The following POLR3E variants were observed in gnomAD, a reference collection of about 807,000 sequenced individuals.
POLR3E encodes DNA-directed RNA polymerase III subunit RPC5.
In POLR3E, 41 loss-of-function variants were observed where a neutral mutation model predicts 96.6. The observed-to-expected ratio is 0.42, with a 90% CI of 0.33 to 0.55. The LOEUF is 0.55. Among genes scored for constraint, POLR3E ranks in the 20% least tolerant of loss-of-function variants. The probability of loss-of-function intolerance (pLI) is 0.06; values close to 1 mark genes in which losing one functional copy is unlikely to be tolerated. For synonymous variants in POLR3E, 396 were observed against 383.6 expected (o/e 1.03, Z -0.38); for missense variants, 849 against 952.1 (o/e 0.89, Z 1.43).
intron 1 of POLR3E, among the ~76,000 whole-genome samples, chr16:22,300,781 C>T (rs2141720959): frequency 6.6e-6 from 1 of 152,338 alleles, no homozygotes; most frequent in East Asian, 1.9e-4. Context: ...CTACCCGCTC[C>T]ATGTCTTCCT....
At chr16:22,307,921 G>T (rs2048167787) in intron 3 of POLR3E, among the ~76,000 whole-genome samples, 1 of 152,162 alleles carries the variant, frequency 6.6e-6, no homozygotes, top group South Asian at 2.1e-4. Context: ...GAGACATCCT[G>T]CAGTGGCCCT....
intron 8 of POLR3E, among the ~76,000 whole-genome samples, chr16:22,314,734 TTC>T (rs2048318922): frequency 6.6e-6 from 1 of 152,134 alleles, no homozygotes; most frequent in African/African-American, 2.4e-5. Flanking sequence ...GCTCATCCTG[TTC>T]TCTCCGTAGC....
rs182937425 is a variant in POLR3E, at chr16:22,307,403, A to C, written c.88-745A>C. Among the ~76,000 whole-genome samples the C allele has an allele frequency of 4.9e-4, 74 of 152,226 alleles. 1 individual carries two copies. In the East Asian group the frequency reaches 0.013, roughly 27 times the overall value. On this transcript the variant is annotated intron_variant, in intron 3 of 20. Transcript: ENST00000299853. ...TGATCTGAAAGGGCCTATTTTCCGC[A>C]CTGCCATACCTCCACCAGGCTCATT...
At chr16:22,316,410 G>T (rs1053844881) in intron 9 of POLR3E, among the ~76,000 whole-genome samples, 191 bp from the exon 10 acceptor site, 1 of 152,194 alleles carries the variant, frequency 6.6e-6, no homozygotes, top group Non-Finnish European at 1.5e-5. Context: ...TTGGGGGCTG[G>T]GGCTGGGCAG....
Position 22,334,438 on chromosome 16 carries a change from A to G in POLR3E, c.*738A>G, listed in dbSNP as rs777006604. On this transcript the variant is annotated 3_prime_UTR_variant, in exon 21 of 21. Coordinates refer to ENST00000299853, the MANE Select transcript of POLR3E (RefSeq NM_018119.4). ...TTTTTAAAATAAATGCAAACACTAA[A>G]CTAGCATCATGGTGCTATCTTCAAA... 5 of 152,232 alleles carry G rather than the reference A, an allele frequency of 3.3e-5. No homozygotes were observed. Among genetic ancestry groups the G allele is most frequent in the Non-Finnish European group, 7.3e-5 (5 of 68,046 alleles). 9.4% of individuals were successfully genotyped at this position (152,232 alleles called of 1,614,324 possible).
In POLR3E at chr16:22,326,621, T is replaced by G. The variant is rs892227755; in HGVS notation, c.1866+343T>G. On this transcript the variant is annotated intron_variant, in intron 18 of 20. Transcript: ENST00000299853. Reference sequence around the variant, plus strand: ...TGTTTCCTACTAGCTTTGCCATTGTTTGGAATGATTTAACTTCTAAGATCG... The same window carrying G: ...TGTTTCCTACTAGCTTTGCCATTGTGTGGAATGATTTAACTTCTAAGATCG... The G allele has an allele frequency of 5.8e-5, 24 of 414,166 alleles. No homozygotes were observed. In the South Asian group the frequency reaches 5.8e-4, roughly 10 times the overall value. 25.7% of individuals were successfully genotyped at this position (414,166 alleles called of 1,614,324 possible). A position where few individuals can be genotyped will look rare whatever the true frequency, so the allele number is the denominator to read the frequency against.
In POLR3E at chr16:22,333,705, A is replaced by G; in HGVS notation, c.*5A>G. 1.3e-6 allele frequency: 2 copies of G among 1,597,024 alleles called. No individual in the cohort carries two copies. Among genetic ancestry groups the G allele is most frequent in the Non-Finnish European group, 1.7e-6 (2 of 1,164,330 alleles). Reference sequence around the variant, plus strand: ...AAAGGGACAGTACAGTCTTGACAATAGTAGCAAACTACTAACCCAGCAAAT... The same window carrying G: ...AAAGGGACAGTACAGTCTTGACAATGGTAGCAAACTACTAACCCAGCAAAT... On this transcript the variant is annotated 3_prime_UTR_variant, in exon 21 of 21. Coordinates refer to ENST00000299853, the MANE Select transcript of POLR3E (RefSeq NM_018119.4).
At position 22,297,420 on chromosome 16, in the gene POLR3E, G is replaced by T. The variant is rs902981955; in HGVS notation, c.-156G>T. ...GCCCGCTCCCCCCCACGTGTCCGCC[G>T]GAGTTTCTCCACCAGCAACATGGCC... On this transcript the variant is annotated 5_prime_UTR_variant, in exon 1 of 21. Coordinates refer to ENST00000299853, the MANE Select transcript of POLR3E (RefSeq NM_018119.4). The T allele has an allele frequency of 2.0e-5, 3 of 152,444 alleles. No individual in the cohort carries two copies. The highest frequency in any genetic ancestry group is 4.4e-5 in the Non-Finnish European group (3 of 68,234). 9.4% of individuals were successfully genotyped at this position (152,444 alleles called of 1,614,324 possible). A position where few individuals can be genotyped will look rare whatever the true frequency, so the allele number is the denominator to read the frequency against.
At chr16:22,302,252 G>GC (rs1050152275) in intron 1 of POLR3E, among the ~76,000 whole-genome samples, 1 of 152,160 alleles carries the variant, frequency 6.6e-6, no homozygotes, top group Non-Finnish European at 1.5e-5. Flanking sequence ...AGGTCAGACA[G>GC]CCTGGATTTG....
In POLR3E at chr16:22,313,825, G is replaced by C; in HGVS notation, c.472+98G>C. 1 of 854,486 alleles carries C rather than the reference G, an allele frequency of 1.2e-6. No individual in the cohort carries two copies. The highest frequency in any genetic ancestry group is 1.9e-6 in the Non-Finnish European group (1 of 527,934). 52.9% of individuals were successfully genotyped at this position (854,486 alleles called of 1,614,324 possible). On this transcript the variant is annotated intron_variant, in intron 7 of 20. Transcript: ENST00000299853. The surrounding 1 kb of genome is among the most constrained non-coding windows in gnomAD (Gnocchi z 4.1). The stretch of plus-strand genomic sequence containing the variant: ...GGATGGGATGATAGGATGTTTAGCA[G>C]GATCCCTGGCCTCTACCTACTAGAT...
At chr16:22,327,182 G>C (rs1221407940) in intron 18 of POLR3E, 1 of 152,466 alleles carries the variant, frequency 6.6e-6, no homozygotes, top group Non-Finnish European at 1.5e-5. Flanking sequence ...CCAAGGTCAG[G>C]AGCGGGCCTG....
In POLR3E at chr16:22,326,134, T is replaced by A; in HGVS notation, c.1722T>A (p.Phe574Leu). 6.2e-7 allele frequency: 1 copy of A among 1,613,926 alleles called. No homozygotes were observed. Among genetic ancestry groups the A allele is most frequent in the Non-Finnish European group, 8.5e-7 (1 of 1,179,990 alleles). The stretch of plus-strand genomic sequence containing the variant: ...TGGAGGCCACCTTTCAGAGACAGTT[T>A]GTGCTCACGCTGAGCGAACTCAAGC... Reference protein sequence around the residue: ...AFVEATFQRQFVLTLSELKRL... With the variant: ...AFVEATFQRQLVLTLSELKRL... The change falls in exon 18 of 21, where the codon TTT (phenylalanine) becomes TTA (leucine). Residue 574 changes from phenylalanine to leucine, a missense_variant. Coordinates refer to ENST00000299853, the MANE Select transcript of POLR3E (RefSeq NM_018119.4).
chr16:22,313,657 G>C lies in POLR3E; in HGVS notation c.402G>C (p.Gln134His), dbSNP rs1323785679. Residue 134 changes from glutamine (Q) to histidine (H), a missense_variant, in exon 7 of 21, where the codon CAG (glutamine) becomes CAC (histidine). By Grantham distance (24) the Gln-to-His change is conservative (BLOSUM62 0). Transcript: ENST00000299853. The surrounding 1 kb of genome is among the most constrained non-coding windows in gnomAD (Gnocchi z 4.1). ...TGACACCTTTACATGGCATCCTGCA[G>C]CTGCGGCCCAGCTTCTCCTACCTGG... is the stretch of plus-strand genomic sequence containing the variant. ...LHLTPLHGIL[Q>H]LRPSFSYLDK... 6.2e-7 allele frequency: 1 copy of C among 1,614,042 alleles called. No individual in the cohort carries two copies. The highest frequency in any genetic ancestry group is 1.3e-5 in the African/African-American group (1 of 75,054).
chr16:22,308,796 G>A, intron 4 of POLR3E, 129 bp from the exon 5 acceptor site: 1 of 621,554 alleles, frequency 1.6e-6, no homozygotes. Context: ...AGGGGCCCTT[G>A]GGGACATGTG....
In POLR3E at chr16:22,334,765, G is replaced by A. The variant is rs545664533; in HGVS notation, c.*1065G>A. On this transcript the variant is annotated 3_prime_UTR_variant, in exon 21 of 21. Transcript: ENST00000299853. ...TCCGATGCCACATGGGGCTATTTGC[G>A]ACAGTATTGGATAGCACAGCCCTAG... 2 of 152,284 alleles carry A rather than the reference G, an allele frequency of 1.3e-5. No individual in the cohort carries two copies. The highest frequency in any genetic ancestry group is 2.1e-4 in the South Asian group (1 of 4,826). The allele number at this position is 152,284 out of a possible 1,614,324, so 9.4% of individuals were successfully genotyped here.
chr16:22,333,823 T>TG lies in POLR3E; in HGVS notation c.*125dup, dbSNP rs548456893. The TG allele has an allele frequency of 4.3e-5, 31 of 717,974 alleles. No homozygotes were observed. The African/African-American group carries it at 5.0e-4, about 12-fold the overall frequency. The allele number at this position is 717,974 out of a possible 1,614,324, so 44.5% of individuals were successfully genotyped here. On this transcript the variant is annotated 3_prime_UTR_variant, in exon 21 of 21. Transcript: ENST00000299853. ...GAGGAACTGACCATCTCATGACCTG[T>TG]GGCATTGCACGGTGCAGTGGACAGA...
intron 13 of POLR3E, among the ~76,000 whole-genome samples, chr16:22,320,584 G>A (rs2048453212): frequency 1.3e-5 from 2 of 152,048 alleles, no homozygotes; most frequent in South Asian, 4.1e-4. Context: ...TTCTCTGTAT[G>A]TTTTCAGCCC....
At chr16:22,312,563 G>A (rs1187078374) in intron 6 of POLR3E, among the ~76,000 whole-genome samples, 5 of 151,700 alleles carry the variant, frequency 3.3e-5, no homozygotes, top group Non-Finnish European at 7.4e-5. Flanking sequence ...TTGTCCCAAA[G>A]CTGGTAAAAA....
chr16:22,333,559 T>A, intron 20 of POLR3E, 85 bp from the exon 21 acceptor site: 1 of 935,526 alleles, frequency 1.1e-6, no homozygotes, highest in East Asian at 2.4e-5. Context: ...TCACTAATCA[T>A]AAATCGAGTG....
Sources: allele counts gnomAD v4.1 joint callset (sites outside exome capture counted in the v4.1 genomes callset), GRCh38; gene constraint gnomAD v4.1.1; non-coding constraint Gnocchi (gnomAD v3.1); transcripts MANE v1.5; gene names NCBI Gene and HGNC (gene_info 2026-07-23, HGNC 2026-07-21).